MUC12: variants seen among roughly 807,000 people sequenced by gnomAD.
MUC12 encodes mucin 12, cell surface associated.
A neutral mutation model predicts 230.8 loss-of-function variants in MUC12; 172 were observed. The observed-to-expected ratio is 0.75, with a 90% CI of 0.66 to 0.85. The LOEUF (loss-of-function observed/expected upper bound fraction) is 0.85, where lower values mean the gene tolerates loss of function less well. MUC12 is among the 40% of genes least tolerant of loss of function. The probability of loss-of-function intolerance (pLI) is 0.00; values close to 1 mark genes in which losing one functional copy is unlikely to be tolerated. For missense variants in MUC12, 3,506 were observed against 5,920.6 expected (o/e 0.59, Z 13.38); for synonymous variants, 1,259 against 2,401.9 (o/e 0.52, Z 13.91).
Position 101,004,554 on chromosome 7 carries a change from C to G in MUC12, c.13991C>G (p.Ser4664Ter), listed in dbSNP as rs1793697947. ...ACCAGCTACCACAGCAGCCCGGGCT[C>G]AATTGCAACAACACACTTTCCTGAG... ...EPTSYHSSPG[S>*]IATTHFPESS... is the part of the protein sequence containing the mutation. The change falls in exon 2 of 12, where the codon TCA becomes TGA. Residue 4664 changes from serine (S) to a stop codon, truncating the protein, a stop_gained. Transcript: ENST00000536621. LOFTEE classifies it high-confidence loss of function. The G allele has an allele frequency of 3.3e-6, 5 of 1,537,352 alleles. No individual in the cohort carries two copies. Among genetic ancestry groups the G allele is most frequent in the African/African-American group, 1.4e-5 (1 of 72,978 alleles).
chr7:100,984,048 C>G (rs1360874645), intron 1 of MUC12, among the ~76,000 whole-genome samples: 1 of 152,114 alleles, frequency 6.6e-6, no homozygotes, highest in South Asian at 2.1e-4. Flanking sequence ...TAGGAGCCCC[C>G]ATGAGGGGCG....
intron 1 of MUC12, among the ~76,000 whole-genome samples, chr7:100,979,357 T>C (rs544183068): frequency 4.9e-4 from 75 of 151,964 alleles, no homozygotes; most frequent in Admixed American, 7.2e-4. Flanking sequence ...GTCTGGGGAG[T>C]GCCAGCTTGG....
intron 3 of MUC12, among the ~76,000 whole-genome samples, chr7:101,008,337 G>T (rs1348139023): frequency 6.6e-6 from 1 of 151,154 alleles, no homozygotes; most frequent in Non-Finnish European, 1.5e-5. Flanking sequence ...TGTTGCCCAG[G>T]TAGGTCTTCC....
chr7:101,008,752 C>A lies in MUC12; in HGVS notation c.15177C>A (p.Phe5059Leu), dbSNP rs1793795396. Reference protein sequence around the residue: ...SQEYQNFSTLFKNRMDVVLKG... With the variant: ...SQEYQNFSTLLKNRMDVVLKG... ...AATACCAGAACTTCAGTACCCTCTT[C>A]AAGAATCGGGTAAGACCAGGGCACA... Residue 5059 changes from phenylalanine to leucine, a missense_variant, in exon 4 of 12, where the codon TTC (phenylalanine) becomes TTA (leucine). Phe to Leu is a conservative substitution (Grantham distance 22). Coordinates refer to ENST00000536621, the MANE Select transcript of MUC12 (RefSeq NM_001164462.2). The A allele has an allele frequency of 6.5e-7, 1 of 1,536,948 alleles. No individual in the cohort carries two copies.
intron 1 of MUC12, among the ~76,000 whole-genome samples, chr7:100,975,832 TG>T (rs1358110046): frequency 6.6e-6 from 1 of 152,312 alleles, no homozygotes; most frequent in African/African-American, 2.4e-5. Flanking sequence ...GGGAGAGAAT[TG>T]GGATATTGGT....
intron 9 of MUC12, 84 bp from the exon 10 acceptor site, chr7:101,015,531 C>T (rs1447953550): frequency 2.5e-6 from 3 of 1,216,114 alleles, no homozygotes; most frequent in Non-Finnish European, 3.5e-6. Flanking sequence ...TGACTGTCCC[C>T]TCGAGGGAAG....
intron 5 of MUC12, among the ~76,000 whole-genome samples, chr7:101,011,927 GC>G (rs943970942): frequency 3.3e-5 from 5 of 152,278 alleles, no homozygotes; most frequent in African/African-American, 1.2e-4. Context: ...GCTGGATCAT[GC>G]ATTAATTCTA....
rs371076352 is a variant in MUC12 at position 101,017,666 on chromosome 7, G to C, written c.15966+3G>C. 1 of 1,535,120 alleles carries C rather than the reference G, an allele frequency of 6.5e-7. No homozygotes were observed. Among genetic ancestry groups the C allele is most frequent in the African/African-American group, 1.4e-5 (1 of 72,838 alleles). On this transcript the variant is annotated splice_donor_region_variant and intron_variant, in intron 11 of 11. Coordinates refer to ENST00000536621, the MANE Select transcript of MUC12 (RefSeq NM_001164462.2). ...AGACTGTTGACTCTGGCACAGAGGT[G>C]ACTCAGCTGCGAGCTGCCCCCACCC...
chr7:100,992,363 A>C lies in MUC12; in HGVS notation c.1800A>C (p.Gly600=), dbSNP rs573282107. 3.7e-4 allele frequency: 562 copies of C among 1,535,864 alleles called. 4 individuals are homozygous for C. The African/African-American group carries it at 4.5e-3, about 12-fold the overall frequency. The part of the protein sequence containing the change: ...TLLPDNTTAS[G]LLEASMPVHS... ...TACCTGACAACACCACAGCCTCAGG[A>C]CTCCTTGAAGCATCTATGCCCGTCC... is the stretch of plus-strand genomic sequence containing the variant. Residue 600 remains glycine (G), a synonymous_variant, in exon 2 of 12, where the codon GGA becomes GGC. Transcript: ENST00000536621.
Position 100,992,643 on chromosome 7 carries a change from G to T in MUC12, c.2080G>T (p.Gly694Cys). 6.5e-7 allele frequency: 1 copy of T among 1,537,424 alleles called. No homozygotes were observed. Residue 694 changes from glycine to cysteine, a missense_variant, in exon 2 of 12, where the codon GGC becomes TGC. Physicochemically the swap from Gly to Cys is radical, Grantham distance 159. Coordinates refer to ENST00000536621, the MANE Select transcript of MUC12 (RefSeq NM_001164462.2). The part of the protein sequence containing the change: ...EESTTYHSSP[G>C]STQTMHFPES... The stretch of plus-strand genomic sequence containing the variant: ...ATCTACGACCTACCACAGCAGCCCG[G>T]GCTCAACTCAAACAATGCACTTCCC...
At position 101,005,056 on chromosome 7, in the gene MUC12, A is replaced by G. The variant is rs1367764026; in HGVS notation, c.14493A>G (p.Ser4831=). The G allele has an allele frequency of 6.5e-7, 1 of 1,537,914 alleles. No individual in the cohort carries two copies. Among genetic ancestry groups the G allele is most frequent in the Non-Finnish European group, 8.7e-7 (1 of 1,147,062 alleles). Reference sequence around the variant, plus strand: ...CCACCCCTCATAGCCAACCAGGCTCAGCTCTGTCAACAGTGTCACCTGCCA... The same window carrying G: ...CCACCCCTCATAGCCAACCAGGCTCGGCTCTGTCAACAGTGTCACCTGCCA... ...EFTTPHSQPG[S]ALSTVSPAST... is the part of the protein sequence containing the mutation. Residue 4831 remains serine, a synonymous_variant, in exon 2 of 12, where the codon TCA becomes TCG. Coordinates refer to ENST00000536621, the MANE Select transcript of MUC12 (RefSeq NM_001164462.2).
chr7:100,976,841 G>A (rs1239744256), intron 1 of MUC12, among the ~76,000 whole-genome samples: 13 of 151,636 alleles, frequency 8.6e-5, no homozygotes, highest in African/African-American at 2.4e-4. Flanking sequence ...ACGTGACATC[G>A]GGAGTTCGAG....
chr7:100,972,304 C>T (rs1447204153), intron 1 of MUC12, among the ~76,000 whole-genome samples: 3 of 152,294 alleles, frequency 2.0e-5, no homozygotes, highest in East Asian at 3.8e-4. Context: ...TTGTGTCCTG[C>T]GCCCCTCCTC....
At chr7:101,006,107 CTG>C (rs1322772137) in intron 2 of MUC12, among the ~76,000 whole-genome samples, 6 of 152,088 alleles carry the variant, frequency 3.9e-5, no homozygotes, top group Admixed American at 2.0e-4. Flanking sequence ...CTCCTTCTGT[CTG>C]TCATCATGAG....
intron 8 of MUC12, among the ~76,000 whole-genome samples, chr7:101,013,484 T>C (rs1793871123): frequency 6.6e-6 from 1 of 152,226 alleles, no homozygotes; most frequent in Non-Finnish European, 1.5e-5. Context: ...TATCTGTCTA[T>C]ATTGTTAATT....
Position 100,995,744 on chromosome 7 carries a change from C to G in MUC12, c.5181C>G (p.His1727Gln), listed in dbSNP as rs1291038410. ...HGSPSSTPTT[H>Q]FSASSTTLGR... ...GCCCGAGCTCAACTCCAACAACCCACTTTTCTGCCAGCTCCACAACCTTGG... is the reference window on the plus strand; with the variant it reads ...GCCCGAGCTCAACTCCAACAACCCAGTTTTCTGCCAGCTCCACAACCTTGG... Residue 1727 changes from histidine (H) to glutamine (Q), a missense_variant, in exon 2 of 12, where the codon CAC becomes CAG. His to Gln is a conservative substitution (Grantham distance 24). Coordinates refer to ENST00000536621, the MANE Select transcript of MUC12 (RefSeq NM_001164462.2). 2.5e-5 allele frequency: 38 copies of G among 1,534,800 alleles called. No individual in the cohort carries two copies. Among genetic ancestry groups the G allele is most frequent in the East Asian group, 1.5e-4 (6 of 40,772 alleles).
chr7:101,004,428 C>G lies in MUC12; in HGVS notation c.13865C>G (p.Thr4622Arg), dbSNP rs1175368706. ...TQTMHFPESS[T>R]ASGRSEESRT... ...ACAATGCACTTCCCTGAAAGCTCCA[C>G]AGCTTCAGGTCGTAGTGAAGAATCA... The change falls in exon 2 of 12, where the codon ACA becomes AGA. Residue 4622 changes from threonine to arginine, a missense_variant. Physicochemically the swap from Thr to Arg is moderately conservative, Grantham distance 71 (BLOSUM62 -1). Coordinates refer to ENST00000536621, the MANE Select transcript of MUC12 (RefSeq NM_001164462.2). 2.0e-6 allele frequency: 3 copies of G among 1,517,806 alleles called. No homozygotes were observed. Among genetic ancestry groups the G allele is most frequent in the East Asian group, 2.5e-5 (1 of 40,192 alleles). 94.0% of individuals were successfully genotyped at this position (1,517,806 alleles called of 1,614,324 possible).
At position 101,008,687 on chromosome 7, in the gene MUC12, A is replaced by G. The variant is rs1439027161; in HGVS notation, c.15112A>G (p.Arg5038Gly). The change falls in exon 4 of 12, where the codon AGA becomes GGA. Residue 5038 changes from arginine to glycine, a missense_variant. Arg to Gly is a moderately radical substitution (Grantham distance 125). Coordinates refer to ENST00000536621, the MANE Select transcript of MUC12 (RefSeq NM_001164462.2). ...AGGTATGACAGTGAAAGTGACTTAC[A>G]GAAATTTCACAGAAAAGATGAATGA... ...TLGMTVKVTYRNFTEKMNDAS... is the reference protein window; with the variant it reads ...TLGMTVKVTYGNFTEKMNDAS... The G allele has an allele frequency of 6.5e-7, 1 of 1,537,356 alleles. No individual in the cohort carries two copies. Among genetic ancestry groups the G allele is most frequent in the Non-Finnish European group, 8.7e-7 (1 of 1,146,938 alleles).
In MUC12 at chr7:100,989,185, C is replaced by T. The variant is rs372565605; in HGVS notation, c.68-1446C>T. ...GTGCGATCTCAGCTCACTGCAACCT[C>T]GCAACCTCTGCCTCCTGGGTTCAAG... On this transcript the variant is annotated intron_variant, in intron 1 of 11. Transcript: ENST00000536621. 3.8e-4 allele frequency among the ~76,000 whole-genome samples: 57 copies of T among 150,290 alleles called. No homozygotes were observed. The East Asian group carries it at 9.7e-3, about 25-fold the overall frequency.
Sources: gnomAD v4.1 joint callset for allele counts (sites outside exome capture counted in the v4.1 genomes callset) on GRCh38, gnomAD v4.1.1 for gene constraint, MANE v1.5 for transcripts, NCBI Gene and HGNC (gene_info 2026-07-23, HGNC 2026-07-21) for gene names.